The following SLC39A11 variants were observed in gnomAD, a reference collection of about 807,000 sequenced individuals.
The protein encoded by SLC39A11 is solute carrier family 39 member 11, also known as zinc transporter ZIP11.
In SLC39A11, 33 loss-of-function variants were observed where a neutral mutation model predicts 36.1. The ratio of observed to expected loss-of-function variants is 0.91; its 90% CI spans 0.69 to 1.22. The LOEUF (loss-of-function observed/expected upper bound fraction) is 1.22, where lower values mean the gene tolerates loss of function less well. Ranked by LOEUF, SLC39A11 falls within the 50% of genes most tolerant of loss-of-function variation. The probability of loss-of-function intolerance (pLI) is 0.00; values close to 1 mark genes in which losing one functional copy is unlikely to be tolerated. For synonymous variants in SLC39A11, 166 were observed against 170.3 expected (o/e 0.97, Z 0.20); for missense variants, 432 against 430.3 (o/e 1.00, Z -0.03).
chr17:72,855,935 A>G (rs1248476001), intron 5 of SLC39A11, among the ~76,000 whole-genome samples: 1 of 151,976 alleles, frequency 6.6e-6, no homozygotes, highest in Non-Finnish European at 1.5e-5. Flanking sequence ...ATCAACTTAT[A>G]TTGTCCCTGC....
At chr17:73,035,205 G>A (rs971492744) in intron 3 of SLC39A11, among the ~76,000 whole-genome samples, 5 of 152,294 alleles carry the variant, frequency 3.3e-5, no homozygotes, top group South Asian at 4.1e-4. Context: ...GTACAGCAGC[G>A]TGACCTGCAA....
At chr17:73,066,482 A>G (rs2059999910) in intron 3 of SLC39A11, among the ~76,000 whole-genome samples, 1 of 152,170 alleles carries the variant, frequency 6.6e-6, no homozygotes, top group Admixed American at 6.5e-5. Flanking sequence ...TCCTTGGCAA[A>G]AACACCTTAA....
intron 4 of SLC39A11, among the ~76,000 whole-genome samples, chr17:72,984,001 C>G (rs781517203): frequency 6.6e-6 from 1 of 152,098 alleles, no homozygotes; most frequent in Non-Finnish European, 1.5e-5. Flanking sequence ...TGGCAAGCTC[C>G]AGAGAAGTGC....
intron 6 of SLC39A11, among the ~76,000 whole-genome samples, chr17:72,821,028 G>T (rs2077756435): frequency 6.6e-6 from 1 of 151,042 alleles, no homozygotes; most frequent in Non-Finnish European, 1.5e-5. Context: ...CAGGATGGAG[G>T]GTGTTGCAGA....
chr17:72,844,544 C>T (rs957045904), intron 6 of SLC39A11, among the ~76,000 whole-genome samples: 10 of 152,204 alleles, frequency 6.6e-5, no homozygotes, highest in African/African-American at 2.4e-4. Flanking sequence ...TGGCATGCGC[C>T]TGTAGTCCCA....
At chr17:73,058,900 A>G (rs2059753318) in intron 3 of SLC39A11, among the ~76,000 whole-genome samples, 1 of 152,122 alleles carries the variant, frequency 6.6e-6, no homozygotes, top group African/African-American at 2.4e-5. Flanking sequence ...TTGGGGTGGC[A>G]TTCCCTGAAT....
intron 4 of SLC39A11, among the ~76,000 whole-genome samples, chr17:72,977,181 G>T (rs1260353489): frequency 2.0e-5 from 3 of 152,228 alleles, no homozygotes; most frequent in Non-Finnish European, 4.4e-5. Flanking sequence ...GCCATGACTG[G>T]CTGAAGAAGC....
At chr17:73,010,832 G>A (rs1034655052) in intron 4 of SLC39A11, among the ~76,000 whole-genome samples, 6 of 152,148 alleles carry the variant, frequency 3.9e-5, no homozygotes, top group Admixed American at 6.5e-5. Flanking sequence ...CAATTGCAAC[G>A]GGCATGGATC....
At chr17:72,711,377 C>T (rs1369393235) in intron 7 of SLC39A11, among the ~76,000 whole-genome samples, 1 of 152,154 alleles carries the variant, frequency 6.6e-6, no homozygotes, top group Admixed American at 6.5e-5. Context: ...CTTCTTTACT[C>T]CCTCTGCCTC....
intron 4 of SLC39A11, among the ~76,000 whole-genome samples, chr17:73,028,550 T>C (rs1346304927): frequency 1.3e-5 from 2 of 152,150 alleles, no homozygotes; most frequent in African/African-American, 4.8e-5. Flanking sequence ...CTAAGACAAA[T>C]TCCCCCTCTC....
chr17:72,787,429 TCG>T (rs2076559337), intron 6 of SLC39A11, among the ~76,000 whole-genome samples: 2 of 151,894 alleles, frequency 1.3e-5, no homozygotes, highest in African/African-American at 4.8e-5. Flanking sequence ...GGCTAATTTT[TCG>T]TATTTTTAGT....
rs112665452 is a variant in SLC39A11 at position 72,803,086 on chromosome 17, C to T, written c.601+46548G>A. ...CTTTCTTGTTTGTAGAATACAAAGA[C>T]GGGATTTGGTTTCCCAAATAGAAGA... On this transcript the variant is annotated intron_variant, in intron 6 of 9. Coordinates refer to ENST00000255559, the MANE Select transcript of SLC39A11 (RefSeq NM_139177.4). Among the ~76,000 whole-genome samples, 505 of 152,332 alleles carry T rather than the reference C, an allele frequency of 3.3e-3. 3 individuals carry two copies. The highest frequency in any genetic ancestry group is 5.0e-3 in the Admixed American group (77 of 15,308).
At chr17:73,024,437 G>A (rs2148617124) in intron 4 of SLC39A11, among the ~76,000 whole-genome samples, 1 of 152,322 alleles carries the variant, frequency 6.6e-6, no homozygotes, top group Non-Finnish European at 1.5e-5. Flanking sequence ...ACTCTCAGGT[G>A]GCTGCTGCTG....
chr17:72,867,833 A>G, intron 5 of SLC39A11, among the ~76,000 whole-genome samples: 1 of 152,056 alleles, frequency 6.6e-6, no homozygotes. Context: ...AGATGGTATT[A>G]ATAGTGTTAA....
chr17:72,771,382 C>G (rs1346867445), intron 6 of SLC39A11, among the ~76,000 whole-genome samples: 2 of 151,298 alleles, frequency 1.3e-5, no homozygotes, highest in East Asian at 3.9e-4. Context: ...CCTTAAACAG[C>G]CCCATATTTT....
At chr17:72,944,533 A>ACT (rs1491027844) in intron 5 of SLC39A11, among the ~76,000 whole-genome samples, 1 of 150,808 alleles carries the variant, frequency 6.6e-6, no homozygotes, top group Admixed American at 6.6e-5. Context: ...TGCCTTTCAA[A>ACT]CACACACACA....
At chr17:73,088,184 C>T (rs2060797495) in intron 2 of SLC39A11, among the ~76,000 whole-genome samples, 1 of 151,952 alleles carries the variant, frequency 6.6e-6, no homozygotes. Flanking sequence ...ATCCCAGCTA[C>T]TCTGGAGGCT....
chr17:72,854,012 G>T (rs558180642), intron 5 of SLC39A11, among the ~76,000 whole-genome samples: 1 of 152,030 alleles, frequency 6.6e-6, no homozygotes, highest in Non-Finnish European at 1.5e-5. Flanking sequence ...GTAGAGGGGG[G>T]ACTATTTCAT....
chr17:72,647,277 G>T lies in SLC39A11; in HGVS notation c.*307C>A. The T allele has an allele frequency of 8.9e-6, 2 of 223,712 alleles. No homozygotes were observed. Among genetic ancestry groups the T allele is most frequent in the Non-Finnish European group, 1.8e-5 (2 of 112,912 alleles). 13.9% of individuals were successfully genotyped at this position (223,712 alleles called of 1,614,324 possible). ...TTGAGGAGTTGGGAGGCAGATAGAA[G>T]GTCCCGAAGTGGAGATTTCCCTGAT... On this transcript the variant is annotated 3_prime_UTR_variant, in exon 10 of 10. Coordinates refer to ENST00000255559, the MANE Select transcript of SLC39A11 (RefSeq NM_139177.4).
Sources: gnomAD v4.1 joint callset for allele counts (sites outside exome capture counted in the v4.1 genomes callset) on GRCh38, gnomAD v4.1.1 for gene constraint, MANE v1.5 for transcripts, NCBI Gene and HGNC (gene_info 2026-07-23, HGNC 2026-07-21) for gene names.